UNC13A: variants seen among roughly 807,000 people sequenced by gnomAD.
The protein encoded by UNC13A is unc-13 homolog A, also known as protein unc-13 homolog A.
A neutral mutation model predicts 219.7 loss-of-function variants in UNC13A; 61 were observed. The ratio of observed to expected loss-of-function variants is 0.28; its 90% confidence interval spans 0.23 to 0.34. The LOEUF (loss-of-function observed/expected upper bound fraction) is 0.34. UNC13A is among the 10% of genes least tolerant of loss of function. The probability of loss-of-function intolerance (pLI) is 1.00; values close to 1 mark genes in which losing one functional copy is unlikely to be tolerated. For missense variants in UNC13A, 1,476 were observed against 2,270.3 expected, an observed-to-expected ratio of 0.65 and a Z score of 7.11; for synonymous variants, 920 against 884.6, an observed-to-expected ratio of 1.04 and a Z score of -0.71.
intron 42 of UNC13A, among the ~76,000 whole-genome samples, chr19:17,611,048 A>G (rs2076598468): frequency 2.0e-5 from 3 of 152,062 alleles, no homozygotes; most frequent in Admixed American, 2.0e-4. Context: ...ACAAACAAAC[A>G]ACAACAACAA....
chr19:17,656,520 G>A, intron 9 of UNC13A, 122 bp from the exon 10 acceptor site: 2 of 1,081,938 alleles, frequency 1.8e-6, no homozygotes, highest in Non-Finnish European at 2.6e-6. Context: ...TCCTGCTCTA[G>A]GGGCTGGAAA....
At position 17,686,035 on chromosome 19, in the gene UNC13A, C is replaced by T. The variant is rs371741514; in HGVS notation, c.22+2143G>A. Among the ~76,000 whole-genome samples, 13 of 151,604 alleles carry T rather than the reference C, an allele frequency of 8.6e-5. No homozygotes were observed. In the East Asian group the frequency reaches 2.2e-3, roughly 25 times the overall value. On this transcript the variant is annotated intron_variant, in intron 1 of 43. Transcript: ENST00000519716. Reference sequence around the variant, plus strand: ...CCACCCCTCCCTGCCTCCTACTCCTCCTCACTCCAACCTCACACCTCCCTT... The same window carrying T: ...CCACCCCTCCCTGCCTCCTACTCCTTCTCACTCCAACCTCACACCTCCCTT...
intron 31 of UNC13A, chr19:17,628,301 A>ACTTTTTT: frequency 3.4e-6 from 1 of 290,170 alleles, no homozygotes; most frequent in Non-Finnish European, 6.6e-6. Flanking sequence ...AGACAGTGAC[A>ACTTTTTT]CACTGAAGGC....
Position 17,672,548 on chromosome 19 carries a change from C to T in UNC13A, c.153-53G>A, listed in dbSNP as rs2079810420. On this transcript the variant is annotated intron_variant, in intron 3 of 43. Coordinates refer to ENST00000519716, the MANE Select transcript of UNC13A (RefSeq NM_001080421.3). Reference sequence around the variant, plus strand: ...GGGAGCAGGAGGGAGGAAACGGGGGCCCAGGGAGTTTAGTTGATTCGCCTG... The same window carrying T: ...GGGAGCAGGAGGGAGGAAACGGGGGTCCAGGGAGTTTAGTTGATTCGCCTG... 8.8e-6 allele frequency: 13 copies of T among 1,469,774 alleles called. No individual in the cohort carries two copies. In the South Asian group the frequency reaches 1.4e-4, roughly 16 times the overall value. 91.0% of individuals were successfully genotyped at this position (1,469,774 alleles called of 1,614,324 possible).
At position 17,627,281 on chromosome 19, in the gene UNC13A, C is replaced by A. The variant is rs559255246; in HGVS notation, c.3920+228G>T. Among the ~76,000 whole-genome samples, 1 of 152,144 alleles carries A rather than the reference C, an allele frequency of 6.6e-6. No individual in the cohort carries two copies. The highest frequency in any genetic ancestry group is 2.4e-5 in the African/African-American group (1 of 41,490). On this transcript the variant is annotated intron_variant, in intron 33 of 43. Transcript: ENST00000519716. The surrounding 1 kb of genome is among the most constrained non-coding windows in gnomAD (Gnocchi z 4.7). ...TACCCAGGTACTATTATTGTCATCACCCCAAATTTACAGAGCAATAAAAAA... is the reference window on the plus strand; with the variant it reads ...TACCCAGGTACTATTATTGTCATCAACCCAAATTTACAGAGCAATAAAAAA...
chr19:17,639,582 G>T, intron 23 of UNC13A, 57 bp from the exon 24 acceptor site: 1 of 1,560,830 alleles, frequency 6.4e-7, no homozygotes, highest in Non-Finnish European at 8.7e-7. Flanking sequence ...GAGGATGGGA[G>T]ACTGCTTTTC....
chr19:17,622,289 T>C (rs1228329498), intron 36 of UNC13A, among the ~76,000 whole-genome samples: 1 of 152,246 alleles, frequency 6.6e-6, no homozygotes, highest in Admixed American at 6.5e-5. Context: ...ATTTACTATA[T>C]GACCTTGAAC....
intron 1 of UNC13A, among the ~76,000 whole-genome samples, chr19:17,687,340 G>A (rs1030439135): frequency 2.6e-5 from 4 of 152,088 alleles, no homozygotes; most frequent in African/African-American, 2.4e-5. Context: ...CCTCTCTCCA[G>A]TGCAAAGTGG....
At chr19:17,680,466 G>A (rs147827297) in intron 1 of UNC13A, among the ~76,000 whole-genome samples, 3 of 152,236 alleles carry the variant, frequency 2.0e-5, no homozygotes, top group African/African-American at 4.8e-5. Context: ...CCCCAGCGAC[G>A]AGCGGGTGAA....
At chr19:17,607,994 C>A (rs2076552873) in intron 43 of UNC13A, among the ~76,000 whole-genome samples, 1 of 150,618 alleles carries the variant, frequency 6.6e-6, no homozygotes, top group South Asian at 2.1e-4. Context: ...ATTCTCGTAC[C>A]CCTCACCCTC....
At chr19:17,666,545 G>A in intron 7 of UNC13A, 105 bp downstream of exon 7, 1 of 854,586 alleles carries the variant, frequency 1.2e-6, no homozygotes, top group African/African-American at 1.8e-5. Flanking sequence ...GCACTCTCAG[G>A]ACTTGTATCT....
chr19:17,669,404 A>C (rs989833322), intron 5 of UNC13A, 149 bp downstream of exon 5: 13 of 1,207,058 alleles, frequency 1.1e-5, no homozygotes, highest in Non-Finnish European at 1.2e-5. Flanking sequence ...GCAACCCAAG[A>C]AACTCTCTCT....
chr19:17,655,323 T>C lies in UNC13A; in HGVS notation c.1343A>G (p.Lys448Arg). 1.3e-6 allele frequency: 2 copies of C among 1,592,522 alleles called. No individual in the cohort carries two copies. The highest frequency in any genetic ancestry group is 1.7e-6 in the Non-Finnish European group (2 of 1,170,194). The stretch of plus-strand genomic sequence containing the variant: ...GTTGAAGGCACGCAGCCAGTTGGCC[T>C]TGGCCCTGGACATGGAGTCCTGCCC... ...QEGQDSMSRA[K>R]ANWLRAFNKV... Residue 448 changes from lysine to arginine, a missense_variant, in exon 11 of 44, where the codon AAG becomes AGG. Physicochemically the swap from Lys to Arg is conservative, Grantham distance 26. Coordinates refer to ENST00000519716, the MANE Select transcript of UNC13A (RefSeq NM_001080421.3).
chr19:17,645,626 G>T (rs2077018089), intron 19 of UNC13A, 48 bp downstream of exon 19: 1 of 1,608,480 alleles, frequency 6.2e-7, no homozygotes, highest in Non-Finnish European at 8.5e-7. Flanking sequence ...GCTCTGGCTG[G>T]ATCCCTGGGA....
intron 26 of UNC13A, among the ~76,000 whole-genome samples, chr19:17,634,777 C>G (rs1341995987): frequency 6.6e-6 from 1 of 152,132 alleles, no homozygotes; most frequent in Non-Finnish European, 1.5e-5. Context: ...CTCACTGCAA[C>G]CTCTGCCTCC....
chr19:17,624,009 G>A (rs1402592727), intron 35 of UNC13A, among the ~76,000 whole-genome samples: 2 of 152,002 alleles, frequency 1.3e-5, no homozygotes, highest in African/African-American at 4.8e-5. Context: ...CTGACTTCCA[G>A]GAGCCCCTTG....
intron 43 of UNC13A, among the ~76,000 whole-genome samples, chr19:17,608,441 A>ATATAT (rs1171139580): frequency 7.3e-6 from 1 of 137,220 alleles, no homozygotes; most frequent in African/African-American, 2.8e-5. Context: ...TATATTTATT[A>ATATAT]TATATTATAT....
At chr19:17,619,433 CT>C (rs1568504333) in intron 38 of UNC13A, among the ~76,000 whole-genome samples, 3 of 117,718 alleles carry the variant, frequency 2.5e-5, no homozygotes, top group African/African-American at 3.5e-5. Flanking sequence ...TCTGATTTTT[CT>C]TTTCTTTTTT....
At chr19:17,613,066 T>C (rs1465112002) in intron 41 of UNC13A, among the ~76,000 whole-genome samples, 2 of 152,044 alleles carry the variant, frequency 1.3e-5, no homozygotes, top group African/African-American at 4.8e-5. Context: ...ACCCTGTCTC[T>C]ACTAAAAATA....
Sources: gnomAD v4.1 joint callset for allele counts (sites outside exome capture counted in the v4.1 genomes callset) on GRCh38, gnomAD v4.1.1 for gene constraint, Gnocchi (gnomAD v3.1) non-coding constraint, MANE v1.5 for transcripts, NCBI Gene and HGNC (gene_info 2026-07-23, HGNC 2026-07-21) for gene names.